SGK1: variants seen among roughly 807,000 people sequenced by gnomAD.
SGK1 encodes the protein serine/threonine-protein kinase Sgk1.
A neutral mutation model predicts 64.2 loss-of-function variants in SGK1; 26 were observed. The observed-to-expected ratio is 0.40, with a 90% CI of 0.30 to 0.56. SGK1 has a LOEUF of 0.56. Among genes scored for constraint, SGK1 ranks in the 20% least tolerant of loss-of-function variants. The pLI is 0.38. For missense variants in SGK1, 519 were observed against 645.6 expected, an observed-to-expected ratio of 0.80 and a Z score of 2.12; for synonymous variants, 265 against 239.7, an observed-to-expected ratio of 1.11 and a Z score of -0.98.
intron 2 of SGK1, among the ~76,000 whole-genome samples, chr6:134,256,755 A>G (rs1776690858): frequency 1.3e-5 from 2 of 152,156 alleles, no homozygotes; most frequent in South Asian, 4.1e-4. Context: ...ATTCCCAGGA[A>G]GATTTGTTTA....
intron 3 of SGK1, among the ~76,000 whole-genome samples, chr6:134,191,700 A>G (rs1775512494): frequency 6.7e-6 from 1 of 149,106 alleles, no homozygotes; most frequent in Non-Finnish European, 1.5e-5. Context: ...ACGAAGTCTC[A>G]CTCTGTCGCC....
At chr6:134,317,316 C>G in intron 1 of SGK1, 76 bp downstream of exon 1, 2 of 953,706 alleles carry the variant, frequency 2.1e-6, no homozygotes, top group South Asian at 1.3e-5. Flanking sequence ...AAACCTCAGG[C>G]TTACTTCAGG....
intron 3 of SGK1, among the ~76,000 whole-genome samples, chr6:134,183,693 A>G (rs1345978868): frequency 6.6e-6 from 1 of 152,096 alleles, no homozygotes; most frequent in Non-Finnish European, 1.5e-5. Flanking sequence ...ATGTGCTGGA[A>G]AGTCTTCTGC....
In SGK1 at chr6:134,171,194, A is replaced by G. The variant is rs748081018; in HGVS notation, c.1168-16T>C. The G allele has an allele frequency of 6.2e-7, 1 of 1,613,474 alleles. No homozygotes were observed. The highest frequency in any genetic ancestry group is 8.5e-7 in the Non-Finnish European group (1 of 1,179,516). On this transcript the variant is annotated splice_polypyrimidine_tract_variant and intron_variant, in intron 11 of 13. Coordinates refer to ENST00000367858, the MANE Select transcript of SGK1 (RefSeq NM_001143676.3). ...AAAAAGGCGGCTGAAAGAAGGGGAA[A>G]ATTACTTTAGACTTAATTGGAAGTT...
At chr6:134,298,180 C>A in intron 1 of SGK1, 1 of 1,433,372 alleles carries the variant, frequency 7.0e-7, no homozygotes. Flanking sequence ...TGATCTCATC[C>A]TCACCAGCCC....
At chr6:134,313,289 G>A (rs1016015705) in intron 1 of SGK1, among the ~76,000 whole-genome samples, 1 of 152,106 alleles carries the variant, frequency 6.6e-6, no homozygotes, top group Non-Finnish European at 1.5e-5. Flanking sequence ...ACGCTCCCTT[G>A]AGCCCAGAAA....
At chr6:134,242,875 CA>C (rs1776470332) in intron 2 of SGK1, among the ~76,000 whole-genome samples, 4 of 152,178 alleles carry the variant, frequency 2.6e-5, no homozygotes, top group East Asian at 1.9e-4. Context: ...ACAAAACACC[CA>C]AAACACATCT....
At chr6:134,209,778 G>C (rs1466431312) in intron 2 of SGK1, among the ~76,000 whole-genome samples, 2 of 152,200 alleles carry the variant, frequency 1.3e-5, no homozygotes, top group Non-Finnish European at 2.9e-5. Context: ...CTGGGTTCAA[G>C]TGATTCTCCT....
At chr6:134,305,727 GC>G (rs1397880373) in intron 1 of SGK1, among the ~76,000 whole-genome samples, 11 of 152,110 alleles carry the variant, frequency 7.2e-5, no homozygotes, top group African/African-American at 2.7e-4. Context: ...GCTCACTGCA[GC>G]CTCCACCTCC....
chr6:134,177,861 T>C (rs1775273325), intron 3 of SGK1: 2 of 1,580,138 alleles, frequency 1.3e-6, no homozygotes, highest in African/African-American at 2.7e-5. Context: ...TGTTCTGTTA[T>C]GAACCCCACT....
At chr6:134,204,997 TTC>T (rs1353579434) in intron 3 of SGK1, among the ~76,000 whole-genome samples, 2 of 152,068 alleles carry the variant, frequency 1.3e-5, no homozygotes, top group Middle Eastern at 3.4e-3. Flanking sequence ...CTTTCTCTGT[TTC>T]TCTCTTTCTC....
rs1314900504 is a variant in SGK1, at chr6:134,176,594, C to T, written c.362-2008G>A. Among the ~76,000 whole-genome samples, 5 of 152,268 alleles carry T rather than the reference C, an allele frequency of 3.3e-5. 1 individual carries two copies. In the East Asian group the frequency reaches 9.7e-4, roughly 30 times the overall value. On this transcript the variant is annotated intron_variant, in intron 3 of 13. Transcript: ENST00000367858. ...TACCACTATTCGCAGGGCCAGGTAC[C>T]TGGCGCTCGCTGTTGCTGTCTGCGG...
chr6:134,197,001 G>C (rs1375198825), intron 3 of SGK1, among the ~76,000 whole-genome samples: 1 of 152,184 alleles, frequency 6.6e-6, no homozygotes, highest in Non-Finnish European at 1.5e-5. Flanking sequence ...AGGAGGCTGA[G>C]GCGGACAGAT....
At chr6:134,243,366 T>C (rs984110022) in intron 2 of SGK1, among the ~76,000 whole-genome samples, 7 of 152,222 alleles carry the variant, frequency 4.6e-5, no homozygotes, top group East Asian at 3.9e-4. Context: ...TATTTATCTA[T>C]TTATTTATTA....
At chr6:134,285,803 A>G (rs1022530222) in intron 1 of SGK1, among the ~76,000 whole-genome samples, 3 of 152,064 alleles carry the variant, frequency 2.0e-5, no homozygotes, top group Admixed American at 6.6e-5. Context: ...AGAGACCATT[A>G]ACTTGTGCTA....
At chr6:134,281,641 T>C (rs1336956361) in intron 1 of SGK1, among the ~76,000 whole-genome samples, 1 of 151,810 alleles carries the variant, frequency 6.6e-6, no homozygotes, top group African/African-American at 2.4e-5. Context: ...TCTTAGCCTA[T>C]TGAGTAGCTG....
Position 134,316,229 on chromosome 6 carries a change from C to A in SGK1, c.69+1163G>T, listed in dbSNP as rs547881453. 5.3e-5 allele frequency among the ~76,000 whole-genome samples: 8 copies of A among 152,334 alleles called. No individual in the cohort carries two copies. The East Asian group carries it at 1.5e-3, about 29-fold the overall frequency. On this transcript the variant is annotated intron_variant, in intron 1 of 13. Transcript: ENST00000367858. ...TGCCTGCATTTCTAGCCTTGCCTTC[C>A]CAGCTTGCCCATTTGGTGCAGGGAG...
chr6:134,210,077 A>G (rs1775862431), intron 2 of SGK1, among the ~76,000 whole-genome samples: 1 of 152,216 alleles, frequency 6.6e-6, no homozygotes, highest in Non-Finnish European at 1.5e-5. Flanking sequence ...GAAATCAGAG[A>G]AATTGGGATC....
At chr6:134,306,916 G>GGC (rs1777544091) in intron 1 of SGK1, among the ~76,000 whole-genome samples, 1 of 146,564 alleles carries the variant, frequency 6.8e-6, no homozygotes. Context: ...ATAAAAGGGG[G>GGC]GGGGGGCGGA....
Sources: gnomAD v4.1 joint callset for allele counts (sites outside exome capture counted in the v4.1 genomes callset) on GRCh38, gnomAD v4.1.1 for gene constraint, MANE v1.5 for transcripts, NCBI Gene and HGNC (gene_info 2026-07-23, HGNC 2026-07-21) for gene names.